PRICKLE1: variants seen among roughly 807,000 people sequenced by gnomAD.
PRICKLE1 encodes the protein prickle-like protein 1.
PRICKLE1 carries 14 observed loss-of-function variants against 70.2 expected under a neutral mutation model. That is an observed-to-expected ratio of 0.20 (90% CI 0.13 to 0.31). PRICKLE1 has a LOEUF of 0.31. Among genes scored for constraint, PRICKLE1 ranks in the 10% least tolerant of loss-of-function variants. The probability of loss-of-function intolerance (pLI) is 1.00; values close to 1 mark genes in which losing one functional copy is unlikely to be tolerated. For synonymous variants in PRICKLE1, 357 were observed against 379.9 expected (o/e 0.94, Z 0.70); for missense variants, 821 against 1,026.2 (o/e 0.80, Z 2.73).
intron 5 of PRICKLE1, among the ~76,000 whole-genome samples, chr12:42,467,102 T>TTTTTTA (rs1395613025): frequency 2.0e-5 from 3 of 152,056 alleles, no homozygotes; most frequent in South Asian, 2.1e-4. Flanking sequence ...GTCTGGTTCT[T>TTTTTTA]TTTTTATTTT....
intron 1 of PRICKLE1, among the ~76,000 whole-genome samples, chr12:42,557,069 C>T (rs1002184314): frequency 5.9e-5 from 9 of 151,992 alleles, no homozygotes; most frequent in African/African-American, 2.2e-4. Flanking sequence ...ATCCTCCTAC[C>T]GCAGCCTCTC....
At chr12:42,532,831 A>G (rs1409425344) in intron 1 of PRICKLE1, among the ~76,000 whole-genome samples, 3 of 149,816 alleles carry the variant, frequency 2.0e-5, no homozygotes, top group Non-Finnish European at 4.4e-5. Context: ...CGGGAGGCGG[A>G]GCTTGCAGTG....
chr12:42,533,965 A>G (rs1939971768), intron 1 of PRICKLE1, among the ~76,000 whole-genome samples: 1 of 152,128 alleles, frequency 6.6e-6, no homozygotes, highest in Non-Finnish European at 1.5e-5. Flanking sequence ...CTATTCTGAC[A>G]TTCCTCATTG....
intron 5 of PRICKLE1, among the ~76,000 whole-genome samples, chr12:42,466,887 T>C (rs551909315): frequency 1.4e-4 from 21 of 152,282 alleles, no homozygotes; most frequent in African/African-American, 4.6e-4. Context: ...AAGGACTCTT[T>C]ATTTTTTTGA....
At chr12:42,526,196 T>C (rs1044301656) in intron 1 of PRICKLE1, among the ~76,000 whole-genome samples, 1 of 152,224 alleles carries the variant, frequency 6.6e-6, no homozygotes, top group African/African-American at 2.4e-5. Context: ...GATTCATGGG[T>C]ATTTCTTGGC....
chr12:42,478,181 C>G (rs1938645466), intron 1 of PRICKLE1, among the ~76,000 whole-genome samples: 1 of 151,996 alleles, frequency 6.6e-6, no homozygotes, highest in Admixed American at 6.6e-5. Context: ...TTTTTACATT[C>G]TTTTACCTAA....
At chr12:42,498,821 G>A (rs2708044) in intron 1 of PRICKLE1, among the ~76,000 whole-genome samples, 26,463 of 151,974 alleles carry the variant, frequency 0.17, 3,063 homozygotes, top group African/African-American at 0.31. Flanking sequence ...TCTTCTACTT[G>A]GAGCCATCTA....
At chr12:42,541,679 CA>C (rs1218925004) in intron 1 of PRICKLE1, among the ~76,000 whole-genome samples, 5 of 152,122 alleles carry the variant, frequency 3.3e-5, no homozygotes, top group Admixed American at 3.3e-4. Flanking sequence ...TTTTCCTCAT[CA>C]AAGTCAAGAG....
intron 1 of PRICKLE1, among the ~76,000 whole-genome samples, chr12:42,548,967 A>T (rs1480430573): frequency 7.1e-5 from 1 of 14,158 alleles, no homozygotes; most frequent in Non-Finnish European, 1.5e-4. Flanking sequence ...CTAAAAATAC[A>T]AAAATTAGCT....
At chr12:42,503,848 C>G (rs1423980764) in intron 1 of PRICKLE1, among the ~76,000 whole-genome samples, 1 of 152,138 alleles carries the variant, frequency 6.6e-6, no homozygotes, top group Non-Finnish European at 1.5e-5. Flanking sequence ...CCTGTAATCT[C>G]CCGAAATTCC....
At chr12:42,505,009 G>A (rs1035999676) in intron 1 of PRICKLE1, among the ~76,000 whole-genome samples, 8 of 152,044 alleles carry the variant, frequency 5.3e-5, no homozygotes, top group Admixed American at 1.3e-4. Context: ...GCGTGGTGGC[G>A]GGCACCTGTA....
chr12:42,482,091 C>T (rs1938812676), intron 1 of PRICKLE1, among the ~76,000 whole-genome samples: 1 of 152,098 alleles, frequency 6.6e-6, no homozygotes, highest in African/African-American at 2.4e-5. Context: ...CCAGCATTTT[C>T]GAGGTAAACC....
chr12:42,485,239 G>GTTTTTTTTTTTTTTT (rs556218718), intron 1 of PRICKLE1: 4 of 100,784 alleles, frequency 4.0e-5, no homozygotes, highest in African/African-American at 7.4e-5. Flanking sequence ...CAGCTGAGAA[G>GTTTTTTTTTTTTTTT]TTTTTTTTTT....
At chr12:42,478,817 T>C (rs79373037) in intron 1 of PRICKLE1, among the ~76,000 whole-genome samples, 6,733 of 151,972 alleles carry the variant, frequency 0.044, 409 homozygotes, top group African/African-American at 0.14. Flanking sequence ...CTTTGTCCTT[T>C]CTCTCGCCTC....
At position 42,460,301 on chromosome 12, in the gene PRICKLE1, G is replaced by A. The variant is rs1160281024; in HGVS notation, c.2004C>T (p.Ser668=). ...TCCGGCGGCGGTGGTGATGAGACCT[G>A]GATCCCCTCTCTTCAAAATTGTAGA... is the stretch of plus-strand genomic sequence containing the variant. ...RRVYNFEERG[S]RSHHHRRRRS... Residue 668 remains serine (S), a synonymous_variant, in exon 8 of 8, where the codon TCC becomes TCT. Transcript: ENST00000345127. The A allele has an allele frequency of 6.2e-7, 1 of 1,613,946 alleles. No homozygotes were observed. Among genetic ancestry groups the A allele is most frequent in the African/African-American group, 1.3e-5 (1 of 74,870 alleles).
Position 42,464,907 on chromosome 12 carries a change from T to C in PRICKLE1, c.1127A>G (p.Asp376Gly), listed in dbSNP as rs1259483653. ...TCCTTGTCTGGAGAGACTCAGATCA[T>C]CCAATTTTCGAGAAAGGGTGTCATC... ...NADDTLSRKL[D>G]DLSLSRQGTS... Residue 376 changes from aspartate to glycine, a missense_variant, in exon 7 of 8, where the codon GAT becomes GGT. Physicochemically the swap from Asp to Gly is moderately conservative, Grantham distance 94. Coordinates refer to ENST00000345127, the MANE Select transcript of PRICKLE1 (RefSeq NM_153026.3). This position sits in a 1 kb window ranked among gnomAD's most constrained non-coding sequence, Gnocchi z 4.2. 3.1e-6 allele frequency: 5 copies of C among 1,614,020 alleles called. No homozygotes were observed. The highest frequency in any genetic ancestry group is 4.2e-6 in the Non-Finnish European group (5 of 1,180,038).
chr12:42,467,932 G>C (rs1303589543), intron 5 of PRICKLE1, among the ~76,000 whole-genome samples: 1 of 152,140 alleles, frequency 6.6e-6, no homozygotes, highest in Non-Finnish European at 1.5e-5. Flanking sequence ...GATAAGAAAA[G>C]GAGCATCTGT....
intron 1 of PRICKLE1, among the ~76,000 whole-genome samples, chr12:42,512,560 C>T (rs1296796746): frequency 6.6e-6 from 1 of 152,154 alleles, no homozygotes; most frequent in African/African-American, 2.4e-5. Flanking sequence ...AACTGTATCC[C>T]CTGCCCTCTC....
At chr12:42,527,228 G>C (rs1383956379) in intron 1 of PRICKLE1, among the ~76,000 whole-genome samples, 2 of 144,868 alleles carry the variant, frequency 1.4e-5, no homozygotes, top group Non-Finnish European at 3.0e-5. Flanking sequence ...TGCCTCCCAG[G>C]TTCAAGTGAT....
Sources: allele counts gnomAD v4.1 joint callset (sites outside exome capture counted in the v4.1 genomes callset), GRCh38; gene constraint gnomAD v4.1.1; non-coding constraint Gnocchi (gnomAD v3.1); transcripts MANE v1.5; gene names NCBI Gene and HGNC (gene_info 2026-07-23, HGNC 2026-07-21).